Variants in CAMSAP1 observed in about 807,000 individuals in gnomAD.
The protein encoded by CAMSAP1 is calmodulin-regulated spectrin-associated protein 1.
A neutral mutation model predicts 143.5 loss-of-function variants in CAMSAP1; 58 were observed. That is an observed-to-expected ratio of 0.40 (90% confidence interval 0.33 to 0.50). CAMSAP1 has a LOEUF of 0.50. Ranked by LOEUF, CAMSAP1 falls within the 20% of genes least tolerant of loss-of-function variation. The pLI is 0.45. For missense variants in CAMSAP1, 1,969 were observed against 2,115.7 expected, an observed-to-expected ratio of 0.93 and a Z score of 1.36; for synonymous variants, 945 against 859.3, an observed-to-expected ratio of 1.10 and a Z score of -1.74.
chr9:135,894,153 G>C (rs1838375743), intron 1 of CAMSAP1, among the ~76,000 whole-genome samples: 3 of 152,062 alleles, frequency 2.0e-5, no homozygotes, highest in African/African-American at 7.2e-5. Flanking sequence ...CAGCAGGTAG[G>C]GACATCAGCA....
chr9:135,838,690 G>GCACTTTCCACCTGTTCTACAGACACACA (rs1836223106), intron 7 of CAMSAP1, among the ~76,000 whole-genome samples: 1 of 114,026 alleles, frequency 8.8e-6, no homozygotes, highest in African/African-American at 3.9e-5. Context: ...ACAGACACAC[G>GCACTTTCCACCTGTTCTACAGACACACA]TCATCACGCA....
At chr9:135,812,720 A>G (rs368591045) in intron 16 of CAMSAP1, among the ~76,000 whole-genome samples, 55 of 152,308 alleles carry the variant, frequency 3.6e-4, no homozygotes, top group African/African-American at 1.3e-3. Context: ...TGTAATCCCA[A>G]CACTTTGGGA....
At chr9:135,904,331 G>A (rs1384013936) in intron 1 of CAMSAP1, among the ~76,000 whole-genome samples, 4 of 151,104 alleles carry the variant, frequency 2.6e-5, no homozygotes, top group African/African-American at 9.8e-5. Flanking sequence ...CCCGGCAGGC[G>A]GAGGTTGCAG....
chr9:135,832,554 A>G (rs535149213), intron 7 of CAMSAP1, among the ~76,000 whole-genome samples: 1 of 152,326 alleles, frequency 6.6e-6, no homozygotes, highest in African/African-American at 2.4e-5. Flanking sequence ...ACAGTACTGG[A>G]AATTCTAGTC....
At chr9:135,899,191 G>C (rs932954462) in intron 1 of CAMSAP1, among the ~76,000 whole-genome samples, 15 of 152,172 alleles carry the variant, frequency 9.9e-5, no homozygotes, top group African/African-American at 2.9e-4. Context: ...ATGCTGTCTT[G>C]ATTGTGGTTG....
At chr9:135,861,223 C>A (rs1837176900) in intron 5 of CAMSAP1, among the ~76,000 whole-genome samples, 1 of 152,164 alleles carries the variant, frequency 6.6e-6, no homozygotes, top group African/African-American at 2.4e-5. Context: ...CCCAAGGGGC[C>A]CCAGGGCACC....
chr9:135,846,750 G>C (rs971131670), intron 7 of CAMSAP1, among the ~76,000 whole-genome samples: 1 of 141,802 alleles, frequency 7.1e-6, no homozygotes, highest in African/African-American at 2.6e-5. Flanking sequence ...CTCAAAAGAA[G>C]ACATATATGC....
In CAMSAP1 at chr9:135,818,946, C is replaced by T. The variant is rs1053437371; in HGVS notation, c.3959+64G>A. On this transcript the variant is annotated intron_variant, in intron 12 of 16. Transcript: ENST00000389532. The surrounding 1 kb of genome is among the most constrained non-coding windows in gnomAD (Gnocchi z 7.7). ...CCATGCTCAGTGCCAGCAACGGGACCGGGGCCGCCAGGGACCCACCAGGCT... is the reference window on the plus strand; with the variant it reads ...CCATGCTCAGTGCCAGCAACGGGACTGGGGCCGCCAGGGACCCACCAGGCT... The T allele has an allele frequency of 5.1e-6, 8 of 1,571,800 alleles. No homozygotes were observed. Among genetic ancestry groups the T allele is most frequent in the African/African-American group, 4.1e-5 (3 of 74,024 alleles).
intron 7 of CAMSAP1, chr9:135,849,932 G>C (rs1308567331): frequency 2.3e-6 from 1 of 434,976 alleles, no homozygotes; most frequent in Admixed American, 4.0e-5. Flanking sequence ...GCAATTTTTA[G>C]AGCTGTGATT....
Position 135,821,563 on chromosome 9 carries a change from G to A in CAMSAP1, c.3098C>T (p.Thr1033Met), listed in dbSNP as rs753486145. Residue 1033 changes from threonine to methionine, a missense_variant, in exon 11 of 17, where the codon ACG becomes ATG. Around this residue, in one of 4 missense-constraint regions of CAMSAP1, gnomAD observed 1,390 missense variants for 1,420.8 expected, o/e 0.98. Coordinates refer to ENST00000389532, the MANE Select transcript of CAMSAP1 (RefSeq NM_015447.4). The surrounding 1 kb of genome is among the most constrained non-coding windows in gnomAD (Gnocchi z 4.6). ...SIEKLNETIS[T>M]LQQAILKISQ... ...GATTTTCAGGATGGCCTGCTGCAGCGTACTGATGGTTTCGTTAAGCTTCTC... is the reference window on the plus strand; with the variant it reads ...GATTTTCAGGATGGCCTGCTGCAGCATACTGATGGTTTCGTTAAGCTTCTC... 1.7e-5 allele frequency: 28 copies of A among 1,613,890 alleles called. No individual in the cohort carries two copies. The highest frequency in any genetic ancestry group is 2.2e-5 in the East Asian group (1 of 44,898).
At chr9:135,893,598 G>A (rs1199093083) in intron 1 of CAMSAP1, among the ~76,000 whole-genome samples, 2 of 152,182 alleles carry the variant, frequency 1.3e-5, no homozygotes, top group Non-Finnish European at 2.9e-5. Flanking sequence ...ACATGTAATT[G>A]GAGGCCCAGG....
intron 7 of CAMSAP1, among the ~76,000 whole-genome samples, chr9:135,841,150 G>A (rs930806672): frequency 2.1e-4 from 32 of 152,116 alleles, no homozygotes; most frequent in African/African-American, 5.6e-4. Context: ...TGGGGTGCTC[G>A]AGCTTGGTGG....
intron 1 of CAMSAP1, among the ~76,000 whole-genome samples, chr9:135,884,609 G>A (rs1052364660): frequency 1.3e-5 from 2 of 152,228 alleles, no homozygotes; most frequent in Non-Finnish European, 2.9e-5. Context: ...CTTAGTGGAT[G>A]TTAACAGACT....
At chr9:135,902,291 G>A (rs759266501) in intron 1 of CAMSAP1, among the ~76,000 whole-genome samples, 1 of 152,170 alleles carries the variant, frequency 6.6e-6, no homozygotes, top group African/African-American at 2.4e-5. Flanking sequence ...CCAATAATCT[G>A]AACAAGTCAT....
At chr9:135,884,029 C>G (rs891956963) in intron 1 of CAMSAP1, among the ~76,000 whole-genome samples, 1 of 152,212 alleles carries the variant, frequency 6.6e-6, no homozygotes, top group Non-Finnish European at 1.5e-5. Context: ...AAGACATCAA[C>G]GGCTGTCCCA....
At position 135,821,442 on chromosome 9, in the gene CAMSAP1, G is replaced by A. The variant is rs755670058; in HGVS notation, c.3219C>T (p.Val1073=). 16 of 1,613,958 alleles carry A rather than the reference G, an allele frequency of 9.9e-6. No individual in the cohort carries two copies. In the African/African-American group the frequency reaches 2.0e-4, roughly 20 times the overall value. Residue 1073 remains valine, a synonymous_variant, in exon 11 of 17, where the codon GTC becomes GTT. Coordinates refer to ENST00000389532, the MANE Select transcript of CAMSAP1 (RefSeq NM_015447.4). This position sits in a 1 kb window ranked among gnomAD's most constrained non-coding sequence, Gnocchi z 4.6. ...NSQDHKVKAP[V]HFVEPLSPTG... ...TGGGAGAGAGTGGCTCCACGAAGTG[G>A]ACTGGTGCCTTCACTTTGTGGTCCT...
At position 135,845,212 on chromosome 9, in the gene CAMSAP1, A is replaced by G. The variant is rs569338693; in HGVS notation, c.1045+4925T>C. On this transcript the variant is annotated intron_variant, in intron 7 of 16. Coordinates refer to ENST00000389532, the MANE Select transcript of CAMSAP1 (RefSeq NM_015447.4). Reference sequence around the variant, plus strand: ...ACCAGGGATGCAAGGCTGGTTCAACATATGCAAATCAATAAACGTAATCCA... The same window carrying G: ...ACCAGGGATGCAAGGCTGGTTCAACGTATGCAAATCAATAAACGTAATCCA... 2.0e-5 allele frequency among the ~76,000 whole-genome samples: 3 copies of G among 152,354 alleles called. No homozygotes were observed. The East Asian group carries it at 5.8e-4, about 29-fold the overall frequency.
At position 135,818,063 on chromosome 9, in the gene CAMSAP1, C is replaced by A; in HGVS notation, c.4185G>T (p.Arg1395=). The change falls in exon 14 of 17, where the codon CGG becomes CGT. Residue 1395 remains arginine, a synonymous_variant. Transcript: ENST00000389532. This position sits in a 1 kb window ranked among gnomAD's most constrained non-coding sequence, Gnocchi z 7.7. The part of the protein sequence containing the change: ...KCSSTPDNLS[R]TQSGSSLSLA... ...AGGACAGGCTGGAGCCTGACTGAGT[C>A]CGGCTCAAGTTATCAGCTGCCAGAG... 3.1e-6 allele frequency: 5 copies of A among 1,613,748 alleles called. No homozygotes were observed. Among genetic ancestry groups the A allele is most frequent in the Non-Finnish European group, 4.2e-6 (5 of 1,179,866 alleles).
At chr9:135,862,363 T>C (rs1837227632) in intron 5 of CAMSAP1, 104 bp downstream of exon 5, 1 of 1,297,256 alleles carries the variant, frequency 7.7e-7, no homozygotes, top group South Asian at 1.6e-5. Flanking sequence ...AAGGATTCCA[T>C]TTTCTTTCTC....
Sources: gnomAD v4.1 joint callset for allele counts (sites outside exome capture counted in the v4.1 genomes callset) on GRCh38, gnomAD v4.1.1 for gene constraint, gnomAD v4.1.1 regional missense constraint, Gnocchi (gnomAD v3.1) non-coding constraint, MANE v1.5 for transcripts, NCBI Gene and HGNC (gene_info 2026-07-23, HGNC 2026-07-21) for gene names.